ECT2L: variants seen among roughly 807,000 people sequenced by gnomAD.
The protein encoded by ECT2L is epithelial cell-transforming sequence 2 oncogene-like.
A neutral mutation model predicts 122.8 loss-of-function variants in ECT2L; 126 were observed. The ratio of observed to expected loss-of-function variants is 1.03; its 90% CI spans 0.89 to 1.19. The LOEUF is 1.19. Ranked by LOEUF, ECT2L falls within the 50% of genes most tolerant of loss-of-function variation. ECT2L has a pLI of 0.00. For missense variants in ECT2L, 1,012 were observed against 1,064.1 expected (o/e 0.95, Z 0.68); for synonymous variants, 385 against 381.8 (o/e 1.01, Z -0.10).
chr6:138,865,275 C>T, intron 12 of ECT2L, 97 bp downstream of exon 12: 1 of 1,210,050 alleles, frequency 8.3e-7, no homozygotes, highest in African/African-American at 1.5e-5. Flanking sequence ...TAAAATTTTA[C>T]TCTTGAACAT....
intron 1 of ECT2L, among the ~76,000 whole-genome samples, chr6:138,805,528 T>C (rs905800000): frequency 1.9e-4 from 29 of 152,324 alleles, no homozygotes; most frequent in Admixed American, 1.6e-3. Context: ...ATGGGTTGGC[T>C]GGCCTCAGCT....
At chr6:138,850,430 C>A (rs1001196334) in intron 9 of ECT2L, among the ~76,000 whole-genome samples, 4 of 152,218 alleles carry the variant, frequency 2.6e-5, no homozygotes, top group Admixed American at 6.5e-5. Flanking sequence ...CAGGCATGAG[C>A]CACTTTGCCC....
intron 1 of ECT2L, among the ~76,000 whole-genome samples, chr6:138,804,227 A>G (rs1272934538): frequency 6.6e-6 from 1 of 152,236 alleles, no homozygotes; most frequent in Non-Finnish European, 1.5e-5. Flanking sequence ...GATTTTATAC[A>G]TATGAAAAAA....
In ECT2L at chr6:138,865,007, T is replaced by C; in HGVS notation, c.1303T>C (p.Trp435Arg). 6.2e-7 allele frequency: 1 copy of C among 1,612,822 alleles called. No homozygotes were observed. The highest frequency in any genetic ancestry group is 8.5e-7 in the Non-Finnish European group (1 of 1,179,640). ...TGSYQHILSD[W>R]LGSQWGKAPS... is the part of the protein sequence containing the mutation. ...GAAAATCATGTCAGTTCTTAGTGAT[T>C]GGCTGGGATCCCAATGGGGAAAGGC... is the stretch of plus-strand genomic sequence containing the variant. The change falls in exon 12 of 22, where the codon TGG (tryptophan) becomes CGG (arginine). Residue 435 changes from tryptophan to arginine, a missense_variant. Coordinates refer to ENST00000541398, the MANE Select transcript of ECT2L (RefSeq NM_001077706.3).
chr6:138,833,821 A>ATT lies in ECT2L; in HGVS notation c.180-4530_180-4529dup, dbSNP rs201307848. On this transcript the variant is annotated intron_variant, in intron 4 of 21. Transcript: ENST00000541398. ...CAGCTCAAAAATAAATAAATAAATA[A>ATT]TTAAAAAAAAATGCACCAGGGACTG... Among the ~76,000 whole-genome samples the ATT allele has an allele frequency of 6.7e-4, 69 of 103,384 alleles. 1 individual carries two copies. In the South Asian group the frequency reaches 7.1e-3, roughly 11 times the overall value. 67.8% of individuals were successfully genotyped at this position (103,384 alleles called of 152,430 possible).
intron 14 of ECT2L, among the ~76,000 whole-genome samples, chr6:138,878,387 T>C (rs1263708265): frequency 6.6e-6 from 1 of 151,838 alleles, no homozygotes; most frequent in Non-Finnish European, 1.5e-5. Context: ...GATAACAGAT[T>C]GGAATATAAA....
In ECT2L at chr6:138,849,327, C is replaced by A; in HGVS notation, c.962C>A (p.Thr321Asn). The A allele has an allele frequency of 1.2e-6, 2 of 1,613,910 alleles. No individual in the cohort carries two copies. Among genetic ancestry groups the A allele is most frequent in the Non-Finnish European group, 1.7e-6 (2 of 1,179,988 alleles). Residue 321 changes from threonine (T) to asparagine (N), a missense_variant, in exon 9 of 22, where the codon ACC (threonine) becomes AAC (asparagine). Physicochemically the swap from Thr to Asn is moderately conservative, Grantham distance 65. Coordinates refer to ENST00000541398, the MANE Select transcript of ECT2L (RefSeq NM_001077706.3). ...TCTGTGGTATATGAACACAGCGTAA[C>A]CTTGGAAAGCCTTCTGTATCTTATA... ...VVSVVYEHSVTLESLLYLIEK... is the reference protein window; with the variant it reads ...VVSVVYEHSVNLESLLYLIEK...
intron 14 of ECT2L, 96 bp downstream of exon 14, chr6:138,876,654 T>C: frequency 4.1e-6 from 3 of 733,444 alleles, no homozygotes; most frequent in East Asian, 3.2e-5. Flanking sequence ...TCCTTGAAAA[T>C]TTCCCTTTGG....
At chr6:138,850,290 G>A (rs990033677) in intron 9 of ECT2L, among the ~76,000 whole-genome samples, 8 of 151,990 alleles carry the variant, frequency 5.3e-5, no homozygotes, top group African/African-American at 1.2e-4. Flanking sequence ...GATTACAGGC[G>A]TCCACCACCA....
chr6:138,876,051 G>A (rs1447052729), intron 13 of ECT2L, among the ~76,000 whole-genome samples: 13 of 152,034 alleles, frequency 8.6e-5, no homozygotes, highest in Non-Finnish European at 7.4e-5. Context: ...CCTGGGAGGC[G>A]GAGGTTGCAG....
intron 1 of ECT2L, among the ~76,000 whole-genome samples, chr6:138,810,376 C>T (rs555508161): frequency 6.6e-6 from 1 of 152,142 alleles, no homozygotes; most frequent in East Asian, 1.9e-4. Flanking sequence ...CAAGGTGGTA[C>T]CCAGCAAATA....
intron 10 of ECT2L, among the ~76,000 whole-genome samples, chr6:138,862,317 C>T (rs764616276): frequency 2.6e-5 from 4 of 152,052 alleles, no homozygotes; most frequent in East Asian, 1.9e-4. Context: ...CTTATAATCA[C>T]GGCAGAAGGT....
chr6:138,878,686 A>G (rs1044547040), intron 14 of ECT2L, among the ~76,000 whole-genome samples: 7 of 152,132 alleles, frequency 4.6e-5, no homozygotes, highest in Non-Finnish European at 8.8e-5. Flanking sequence ...AGCTCAGGTG[A>G]TCCACCCGCC....
chr6:138,840,912 A>G (rs1304279265), intron 5 of ECT2L, among the ~76,000 whole-genome samples: 3 of 152,096 alleles, frequency 2.0e-5, no homozygotes, highest in Non-Finnish European at 4.4e-5. Flanking sequence ...AAGATTCACC[A>G]CGTCTCATAA....
At chr6:138,891,474 G>T (rs576667921) in intron 20 of ECT2L, among the ~76,000 whole-genome samples, 15 of 152,030 alleles carry the variant, frequency 9.9e-5, no homozygotes, top group Non-Finnish European at 1.9e-4. Context: ...ATCTACATAA[G>T]AACACTGGTC....
intron 20 of ECT2L, among the ~76,000 whole-genome samples, chr6:138,895,110 C>T (rs1471552556): frequency 6.6e-6 from 1 of 151,846 alleles, no homozygotes; most frequent in African/African-American, 2.4e-5. Context: ...GAAAAAAAAA[C>T]GTTTTGAAAT....
At chr6:138,836,276 A>G (rs1199606507) in intron 4 of ECT2L, among the ~76,000 whole-genome samples, 1 of 147,790 alleles carries the variant, frequency 6.8e-6, no homozygotes, top group African/African-American at 2.5e-5. Context: ...CACTACTTTT[A>G]GCATTCATTA....
rs550574749 is a variant in ECT2L at position 138,837,835 on chromosome 6, T to C, written c.180-517T>C. On this transcript the variant is annotated intron_variant, in intron 4 of 21. Coordinates refer to ENST00000541398, the MANE Select transcript of ECT2L (RefSeq NM_001077706.3). ...CTAGGTTTACTCCAAGACTGTTTTA[T>C]TCCTGTGAATTTTAGATATTCTTGT... is the stretch of plus-strand genomic sequence containing the variant. 2.6e-5 allele frequency among the ~76,000 whole-genome samples: 4 copies of C among 152,310 alleles called. No homozygotes were observed. In the South Asian group the frequency reaches 6.2e-4, roughly 24 times the overall value.
At chr6:138,839,952 CT>C (rs542019866) in intron 5 of ECT2L, among the ~76,000 whole-genome samples, 1 of 151,974 alleles carries the variant, frequency 6.6e-6, no homozygotes, top group Non-Finnish European at 1.5e-5. Context: ...AGTTTCCATG[CT>C]TTTTTTGTTA....
Sources: gnomAD v4.1 joint callset for allele counts (sites outside exome capture counted in the v4.1 genomes callset) on GRCh38, gnomAD v4.1.1 for gene constraint, MANE v1.5 for transcripts, NCBI Gene and HGNC (gene_info 2026-07-23, HGNC 2026-07-21) for gene names.